Variants in SPACA7 observed in about 807,000 individuals in gnomAD.
SPACA7 encodes the protein sperm acrosome-associated protein 7.
A neutral mutation model predicts 26.3 loss-of-function variants in SPACA7; 19 were observed. The ratio of observed to expected loss-of-function variants is 0.72; its 90% confidence interval spans 0.50 to 1.06. The LOEUF is 1.06. SPACA7 is among the 50% of genes least tolerant of loss of function. The pLI, the probability that SPACA7 is intolerant of heterozygous loss-of-function variation, is 0.00. For synonymous variants in SPACA7, 84 were observed against 84.5 expected (o/e 0.99, Z 0.04); for missense variants, 211 against 229.9 (o/e 0.92, Z 0.53).
intron 5 of SPACA7, among the ~76,000 whole-genome samples, chr13:112,425,319 T>C (rs1036147995): frequency 1.2e-4 from 18 of 152,152 alleles, no homozygotes; most frequent in Admixed American, 5.9e-4. Context: ...TGATGGCACA[T>C]GACAAGGATA....
At chr13:112,400,084 C>T (rs935007417) in intron 4 of SPACA7, among the ~76,000 whole-genome samples, 22 of 151,904 alleles carry the variant, frequency 1.4e-4, no homozygotes, top group Admixed American at 5.9e-4. Context: ...GACACAGAGC[C>T]AAACCATATC....
At chr13:112,418,050 T>G (rs1333384863) in intron 5 of SPACA7, among the ~76,000 whole-genome samples, 1 of 152,188 alleles carries the variant, frequency 6.6e-6, no homozygotes, top group Non-Finnish European at 1.5e-5. Flanking sequence ...CCATAGTCCT[T>G]AGTCACATGG....
intron 5 of SPACA7, among the ~76,000 whole-genome samples, chr13:112,419,772 C>T (rs1726329670): frequency 6.6e-6 from 1 of 152,148 alleles, no homozygotes; most frequent in Admixed American, 6.5e-5. Flanking sequence ...GAGAGTGAGG[C>T]TGGATAAGGA....
At chr13:112,403,997 C>T (rs1311331746) in intron 5 of SPACA7, among the ~76,000 whole-genome samples, 2 of 152,182 alleles carry the variant, frequency 1.3e-5, no homozygotes, top group Non-Finnish European at 2.9e-5. Flanking sequence ...AAGGAATCTC[C>T]ACACTGTTTT....
intron 1 of SPACA7, among the ~76,000 whole-genome samples, chr13:112,379,137 T>C (rs1242954668): frequency 6.6e-6 from 1 of 152,198 alleles, no homozygotes; most frequent in African/African-American, 2.4e-5. Flanking sequence ...CGTCCCCACA[T>C]TGAGTCCCAC....
chr13:112,376,356 G>C lies in SPACA7; in HGVS notation c.-30G>C, dbSNP rs757404821. The C allele has an allele frequency of 1.1e-5, 17 of 1,604,750 alleles. No homozygotes were observed. The South Asian group carries it at 1.8e-4, about 17-fold the overall frequency. ...AAGGATGGGAAACTGTCAACCTTCA[G>C]AACGTCCTTCTCCCTCAGCTGGAGG... is the stretch of plus-strand genomic sequence containing the variant. On this transcript the variant is annotated 5_prime_UTR_variant, in exon 1 of 7. Coordinates refer to ENST00000283550, the MANE Select transcript of SPACA7 (RefSeq NM_145248.5).
chr13:112,397,024 G>A (rs1002970268), intron 2 of SPACA7, among the ~76,000 whole-genome samples: 4 of 152,342 alleles, frequency 2.6e-5, no homozygotes, highest in Admixed American at 2.6e-4. Context: ...GGCTGCAGGG[G>A]GCCTCACTGG....
At chr13:112,399,031 C>G in intron 3 of SPACA7, 35 bp from the exon 4 acceptor site, 1 of 1,376,838 alleles carries the variant, frequency 7.3e-7, no homozygotes, top group Non-Finnish European at 1.0e-6. Context: ...ATCAAGAAAA[C>G]TTTTCCCCAT....
At chr13:112,386,981 A>T (rs1046853061) in intron 1 of SPACA7, among the ~76,000 whole-genome samples, 1 of 152,220 alleles carries the variant, frequency 6.6e-6, no homozygotes, top group African/African-American at 2.4e-5. Flanking sequence ...TCTATGAGGG[A>T]AAAAACCTCA....
chr13:112,432,019 T>C (rs1264647936), intron 5 of SPACA7, among the ~76,000 whole-genome samples: 2 of 152,206 alleles, frequency 1.3e-5, no homozygotes, highest in African/African-American at 4.8e-5. Flanking sequence ...GGAAATTCAG[T>C]GTCTGTAAAA....
chr13:112,380,170 T>G (rs1883953586), intron 1 of SPACA7, among the ~76,000 whole-genome samples: 1 of 152,148 alleles, frequency 6.6e-6, no homozygotes, highest in Admixed American at 6.5e-5. Flanking sequence ...ATCCCAGCAC[T>G]TTGGGAGGCC....
At chr13:112,401,309 A>G in intron 5 of SPACA7, 145 bp downstream of exon 5, 1 of 622,450 alleles carries the variant, frequency 1.6e-6, no homozygotes, top group Non-Finnish European at 2.8e-6. Context: ...GTGGTATTTC[A>G]GTACTGCTTT....
At chr13:112,401,733 T>C (rs1484528491) in intron 5 of SPACA7, among the ~76,000 whole-genome samples, 1 of 152,226 alleles carries the variant, frequency 6.6e-6, no homozygotes, top group Admixed American at 6.5e-5. Context: ...TCTGCTACAT[T>C]AGCTCTTGGA....
intron 5 of SPACA7, among the ~76,000 whole-genome samples, chr13:112,424,064 G>A (rs1046158245): frequency 1.3e-5 from 2 of 152,198 alleles, no homozygotes; most frequent in Admixed American, 1.3e-4. Context: ...TGAGGCAGGA[G>A]AAGCAAGATG....
intron 5 of SPACA7, among the ~76,000 whole-genome samples, chr13:112,410,847 A>T (rs1594298906): frequency 6.6e-6 from 1 of 152,290 alleles, no homozygotes; most frequent in Non-Finnish European, 1.5e-5. Flanking sequence ...AGGCATTTAT[A>T]CCCCTGTGTT....
chr13:112,427,781 G>T (rs901027380), intron 5 of SPACA7, among the ~76,000 whole-genome samples: 3 of 152,024 alleles, frequency 2.0e-5, no homozygotes, highest in Admixed American at 2.0e-4. Context: ...GATAATTTGG[G>T]TCCTTATGGG....
At chr13:112,404,314 A>G (rs1374279374) in intron 5 of SPACA7, among the ~76,000 whole-genome samples, 1 of 152,290 alleles carries the variant, frequency 6.6e-6, no homozygotes, top group Admixed American at 6.5e-5. Context: ...GATTCTGGAT[A>G]TTAGTCCTTT....
chr13:112,399,301 T>A, intron 4 of SPACA7, 128 bp downstream of exon 4: 1 of 683,664 alleles, frequency 1.5e-6, no homozygotes, highest in Non-Finnish European at 2.6e-6. Context: ...TGTGCCCACT[T>A]CCCCTGGTTG....
intron 1 of SPACA7, among the ~76,000 whole-genome samples, chr13:112,389,177 C>T (rs1203878932): frequency 6.6e-6 from 1 of 152,188 alleles, no homozygotes; most frequent in East Asian, 1.9e-4. Context: ...ATACTATAAA[C>T]TATGAACCTT....
Sources: allele counts gnomAD v4.1 joint callset (sites outside exome capture counted in the v4.1 genomes callset), GRCh38; gene constraint gnomAD v4.1.1; transcripts MANE v1.5; gene names NCBI Gene and HGNC (gene_info 2026-07-23, HGNC 2026-07-21).